Variants in LDB2 observed in about 807,000 individuals in gnomAD.
The protein encoded by LDB2 is LIM domain binding 2, also known as LIM domain-binding protein 2.
In LDB2, 12 loss-of-function variants were observed where a neutral mutation model predicts 44.3. The ratio of observed to expected loss-of-function variants is 0.27; its 90% CI spans 0.17 to 0.44. The LOEUF is 0.44. Among genes scored for constraint, LDB2 ranks in the 20% least tolerant of loss-of-function variants. The probability of loss-of-function intolerance (pLI) is 1.00; values close to 1 mark genes in which losing one functional copy is unlikely to be tolerated. For missense variants in LDB2, 344 were observed against 473.5 expected (o/e 0.73, Z 2.54); for synonymous variants, 164 against 174.8 (o/e 0.94, Z 0.49).
At chr4:16,872,830 T>C (rs1443347015) in intron 1 of LDB2, among the ~76,000 whole-genome samples, 1 of 152,186 alleles carries the variant, frequency 6.6e-6, no homozygotes, top group East Asian at 1.9e-4. Flanking sequence ...TAGCAAAAGA[T>C]GACAAGATCA....
intron 2 of LDB2, among the ~76,000 whole-genome samples, chr4:16,620,702 C>T (rs949573461): frequency 1.3e-5 from 2 of 152,158 alleles, no homozygotes; most frequent in Non-Finnish European, 2.9e-5. Context: ...CTTCCTCTTC[C>T]TGTTCTTGAA....
chr4:16,581,841 C>A (rs1398230241), intron 5 of LDB2, among the ~76,000 whole-genome samples: 1 of 150,586 alleles, frequency 6.6e-6, no homozygotes, highest in Non-Finnish European at 1.5e-5. Context: ...TTCTCTCCTG[C>A]AAAATAGGAC....
intron 1 of LDB2, among the ~76,000 whole-genome samples, chr4:16,842,893 A>C (rs2110119301): frequency 6.6e-6 from 1 of 152,342 alleles, no homozygotes; most frequent in East Asian, 1.9e-4. Flanking sequence ...GTGAGGATTA[A>C]ATGAGTAAAT....
intron 1 of LDB2, among the ~76,000 whole-genome samples, chr4:16,846,721 T>A (rs187532444): frequency 6.6e-6 from 1 of 152,226 alleles, no homozygotes; most frequent in East Asian, 1.9e-4. Flanking sequence ...GAGCTCTCCA[T>A]TAATTCTGTC....
intron 2 of LDB2, among the ~76,000 whole-genome samples, chr4:16,621,740 G>A (rs1728934182): frequency 1.3e-5 from 2 of 151,902 alleles, no homozygotes; most frequent in African/African-American, 4.8e-5. Flanking sequence ...TTTATTTTTT[G>A]TAGAGACAAG....
At chr4:16,750,586 A>G (rs997487643) in intron 2 of LDB2, among the ~76,000 whole-genome samples, 3 of 151,864 alleles carry the variant, frequency 2.0e-5, no homozygotes, top group African/African-American at 4.8e-5. Context: ...TTTTTGTATC[A>G]TGGGTCATGC....
rs1435575365 is a variant in LDB2 at position 16,848,706 on chromosome 4, A to T, written c.132+49648T>A. On this transcript the variant is annotated intron_variant, in intron 1 of 7. Coordinates refer to ENST00000304523, the MANE Select transcript of LDB2 (RefSeq NM_001290.5). ...ACCCCCATCTCAGTAAATAATAGCA[A>T]TATCCACATACTTGCTGAAGACAAA... Among the ~76,000 whole-genome samples, 4 of 152,158 alleles carry T rather than the reference A, an allele frequency of 2.6e-5. No homozygotes were observed. The East Asian group carries it at 7.7e-4, about 29-fold the overall frequency.
chr4:16,562,493 A>G (rs138801862), intron 5 of LDB2, among the ~76,000 whole-genome samples: 4,132 of 152,352 alleles, frequency 0.027, 120 homozygotes, highest in African/African-American at 0.071. Flanking sequence ...CATCAGAGAA[A>G]TGCAAATCAA....
chr4:16,611,356 C>T (rs539306627), intron 2 of LDB2, among the ~76,000 whole-genome samples: 5 of 152,224 alleles, frequency 3.3e-5, no homozygotes, highest in African/African-American at 1.2e-4. Context: ...ATCAAATTCA[C>T]ATATAACAAC....
chr4:16,786,111 T>A (rs545103699), intron 1 of LDB2, among the ~76,000 whole-genome samples: 1 of 152,196 alleles, frequency 6.6e-6, no homozygotes, highest in Non-Finnish European at 1.5e-5. Context: ...TAAACATATA[T>A]ATTTTAATTG....
chr4:16,890,739 G>A (rs978082567), intron 1 of LDB2, among the ~76,000 whole-genome samples: 1 of 152,174 alleles, frequency 6.6e-6, no homozygotes, highest in African/African-American at 2.4e-5. Flanking sequence ...CAGAATGCGT[G>A]CATCTCAGGC....
intron 2 of LDB2, among the ~76,000 whole-genome samples, chr4:16,731,081 C>T (rs1760651751): frequency 6.6e-6 from 1 of 151,928 alleles, no homozygotes. Flanking sequence ...CTCTTGACCA[C>T]CAAAAAGAAT....
chr4:16,551,048 GATA>G (rs2152347908), intron 5 of LDB2, among the ~76,000 whole-genome samples: 1 of 152,254 alleles, frequency 6.6e-6, no homozygotes, highest in East Asian at 1.9e-4. Context: ...TTAAAAATCA[GATA>G]ATAAATAGAA....
intron 1 of LDB2, among the ~76,000 whole-genome samples, chr4:16,886,299 T>A (rs566175809): frequency 3.3e-5 from 5 of 152,284 alleles, no homozygotes; most frequent in South Asian, 2.1e-4. Flanking sequence ...AATATCTATA[T>A]GTTGTTAATT....
At chr4:16,709,171 G>T (rs902325436) in intron 2 of LDB2, among the ~76,000 whole-genome samples, 1 of 152,164 alleles carries the variant, frequency 6.6e-6, no homozygotes, top group African/African-American at 2.4e-5. Context: ...TCTTGAATAA[G>T]TTAAATTTTA....
At chr4:16,771,415 G>A (rs1338412229) in intron 1 of LDB2, among the ~76,000 whole-genome samples, 2 of 152,132 alleles carry the variant, frequency 1.3e-5, no homozygotes, top group Non-Finnish European at 2.9e-5. Context: ...TGACACCCAA[G>A]TACATATTAC....
intron 2 of LDB2, among the ~76,000 whole-genome samples, chr4:16,693,397 G>A (rs1261628326): frequency 6.8e-6 from 1 of 146,198 alleles, no homozygotes; most frequent in Non-Finnish European, 1.5e-5. Flanking sequence ...TGTTGCCCAG[G>A]CTGGAATGCA....
At chr4:16,761,970 C>A (rs1768021709) in intron 1 of LDB2, among the ~76,000 whole-genome samples, 1 of 152,018 alleles carries the variant, frequency 6.6e-6, no homozygotes, top group Non-Finnish European at 1.5e-5. Flanking sequence ...ATGGTGAAAC[C>A]CACACTCTGC....
Position 16,740,228 on chromosome 4 carries a change from G to T in LDB2, c.235+18930C>A, listed in dbSNP as rs1374651234. On this transcript the variant is annotated intron_variant, in intron 2 of 7. Coordinates refer to ENST00000304523, the MANE Select transcript of LDB2 (RefSeq NM_001290.5). ...GACATCTTCCATTTGAAAGAAATCA[G>T]CTTTGTTTTCAATGCTAAGACACAG... Among the ~76,000 whole-genome samples the T allele has an allele frequency of 2.0e-5, 3 of 152,118 alleles. No homozygotes were observed. The East Asian group carries it at 5.8e-4, about 29-fold the overall frequency.
Sources: gnomAD v4.1 joint callset for allele counts (sites outside exome capture counted in the v4.1 genomes callset) on GRCh38, gnomAD v4.1.1 for gene constraint, MANE v1.5 for transcripts, NCBI Gene and HGNC (gene_info 2026-07-23, HGNC 2026-07-21) for gene names.